Variants in C10orf67 observed in about 807,000 individuals in gnomAD.
C10orf67 encodes the protein chromosome 10 open reading frame 67, also known as uncharacterized protein C10orf67, mitochondrial.
In C10orf67, 60 loss-of-function variants were observed where a neutral mutation model predicts 35.6. The ratio of observed to expected loss-of-function variants is 1.68; its 90% confidence interval spans 1.37 to 2.09. The LOEUF (loss-of-function observed/expected upper bound fraction) is 2.09, where lower values mean the gene tolerates loss of function less well. C10orf67 is among the 30% of genes most tolerant of loss of function. The pLI, the probability that C10orf67 is intolerant of heterozygous loss-of-function variation, is 0.00. For missense variants in C10orf67, 474 were observed against 330.2 expected, an observed-to-expected ratio of 1.44 and a Z score of -3.38; for synonymous variants, 167 against 115.8, an observed-to-expected ratio of 1.44 and a Z score of -2.84.
At chr10:23,244,539 A>G (rs1050643545) in intron 12 of C10orf67, among the ~76,000 whole-genome samples, 2 of 152,186 alleles carry the variant, frequency 1.3e-5, no homozygotes, top group Admixed American at 6.5e-5. Context: ...ACAAAAATCA[A>G]TTGTGTTTGT....
At chr10:23,300,371 G>A (rs536899284) in intron 5 of C10orf67, among the ~76,000 whole-genome samples, 5 of 152,222 alleles carry the variant, frequency 3.3e-5, no homozygotes, top group African/African-American at 4.8e-5. Flanking sequence ...TGACTAAAGC[G>A]GTGGCCTTTT....
In C10orf67 at chr10:23,203,941, C is replaced by T; in HGVS notation, c.*232G>A. ...CCCCGGAGGTTCAGTGCGCCCCGCT[C>T]ACCCAGCACCAGCCAGGGCTTTCCT... On this transcript the variant is annotated 3_prime_UTR_variant, in exon 16 of 16. Transcript: ENST00000636213. The T allele has an allele frequency of 2.9e-6, 1 of 347,140 alleles. No individual in the cohort carries two copies. Among genetic ancestry groups the T allele is most frequent in the Non-Finnish European group, 5.1e-6 (1 of 194,390 alleles). 21.5% of individuals were successfully genotyped at this position (347,140 alleles called of 1,614,324 possible). A position where few individuals can be genotyped will look rare whatever the true frequency, so the allele number is the denominator to read the frequency against.
intron 8 of C10orf67, among the ~76,000 whole-genome samples, chr10:23,273,573 G>A (rs186826956): frequency 6.6e-6 from 1 of 152,144 alleles, no homozygotes; most frequent in Non-Finnish European, 1.5e-5. Context: ...TGCAGATGAG[G>A]CTCCTTGAGT....
intron 7 of C10orf67, among the ~76,000 whole-genome samples, chr10:23,286,628 A>AGGAG (rs1396488523): frequency 2.8e-5 from 3 of 106,256 alleles, no homozygotes; most frequent in Admixed American, 9.4e-5. Flanking sequence ...GAGGGAGGAA[A>AGGAG]GGAGGGAGGG....
At position 23,344,647 on chromosome 10, in the gene C10orf67, GT is replaced by G. The variant is rs1564528637; in HGVS notation, c.127del (p.Thr43ProfsTer34). 2 of 1,581,094 alleles carry G rather than the reference GT, an allele frequency of 1.3e-6. No individual in the cohort carries two copies. The highest frequency in any genetic ancestry group is 4.7e-5 in the East Asian group (2 of 42,902). Reference protein sequence around the residue: ...TRWEAMKAKATELRVCCARRK... With the variant: ...TRWEAMKAKAXELRVCCARRK... ...ACGCGCGCAGCAGACCCGCAGCTCG[GT>G]GGCCTTGGCTTTCATGGCCTCCCAG... On this transcript the variant is annotated frameshift_variant, in exon 1 of 16. Transcript: ENST00000636213. LOFTEE classifies it high-confidence loss of function.
In C10orf67 at chr10:23,342,485, G is replaced by T. The variant is rs976655767; in HGVS notation, c.206+2084C>A. Among the ~76,000 whole-genome samples the T allele has an allele frequency of 9.2e-5, 14 of 152,288 alleles. 1 individual carries two copies. The highest frequency in any genetic ancestry group is 7.8e-4 in the Admixed American group (12 of 15,302). On this transcript the variant is annotated intron_variant, in intron 1 of 15. Transcript: ENST00000636213. The stretch of plus-strand genomic sequence containing the variant: ...TCGCCCTAGTACTTTGGGTGAAGAG[G>T]AAGGAATATGGGCATCAGTGGTTCT...
In C10orf67 at chr10:23,296,686, C is replaced by T. The variant is rs532648113; in HGVS notation, c.703-5407G>A. 1.2e-3 allele frequency among the ~76,000 whole-genome samples: 177 copies of T among 152,300 alleles called. 1 individual carries two copies. The highest frequency in any genetic ancestry group is 4.1e-3 in the African/African-American group (169 of 41,548). ...TCATTAACATCGGAGCATGGGCTAG[C>T]AGGCTGGTCCAGGGGTCTGTGGTAG... On this transcript the variant is annotated intron_variant, in intron 5 of 15. Coordinates refer to ENST00000636213, the MANE Select transcript of C10orf67 (RefSeq NM_001371909.1).
intron 7 of C10orf67, among the ~76,000 whole-genome samples, chr10:23,288,380 A>G (rs1040150024): frequency 2.0e-5 from 3 of 152,178 alleles, no homozygotes; most frequent in African/African-American, 7.2e-5. Context: ...CAGAAAACCA[A>G]ACACCGCATG....
At chr10:23,221,991 T>C (rs1841594297) in intron 15 of C10orf67, among the ~76,000 whole-genome samples, 1 of 152,312 alleles carries the variant, frequency 6.6e-6, no homozygotes, top group South Asian at 2.1e-4. Context: ...GAGCATTTTA[T>C]CTTATGCCTC....
chr10:23,239,699 A>G, intron 13 of C10orf67, 30 bp downstream of exon 13: 1 of 621,384 alleles, frequency 1.6e-6, no homozygotes, highest in East Asian at 2.8e-5. Flanking sequence ...TCAAAGAGAC[A>G]AACAGCATCT....
chr10:23,234,709 C>CT (rs1841998589), intron 13 of C10orf67, among the ~76,000 whole-genome samples: 1 of 147,108 alleles, frequency 6.8e-6, no homozygotes, highest in African/African-American at 2.6e-5. Flanking sequence ...CAAGTCAAGG[C>CT]TAAAAAAAAA....
intron 9 of C10orf67, 92 bp from the exon 10 acceptor site, chr10:23,266,518 G>C: frequency 2.5e-6 from 1 of 397,196 alleles, no homozygotes; most frequent in Non-Finnish European, 4.4e-6. Context: ...CCCTGAGCTG[G>C]AATTGCAGAA....
intron 2 of C10orf67, among the ~76,000 whole-genome samples, chr10:23,328,993 C>CAAAAAAAAAAAGA (rs1845309202): frequency 1.3e-5 from 1 of 78,732 alleles, no homozygotes; most frequent in African/African-American, 4.9e-5. Flanking sequence ...CATAAACGAA[C>CAAAAAAAAAAAGA]AAAAAAAAAA....
intron 12 of C10orf67, among the ~76,000 whole-genome samples, chr10:23,240,710 CA>C (rs753624968): frequency 6.6e-6 from 1 of 152,176 alleles, no homozygotes; most frequent in African/African-American, 2.4e-5. Context: ...TTTACTCACA[CA>C]AAAGACTCTT....
intron 10 of C10orf67, among the ~76,000 whole-genome samples, chr10:23,253,014 T>C (rs1336518283): frequency 1.3e-5 from 2 of 151,594 alleles, no homozygotes. Context: ...AATGGGAGTT[T>C]CTCTGCACAA....
intron 4 of C10orf67, among the ~76,000 whole-genome samples, chr10:23,312,432 C>T (rs1004103700): frequency 3.3e-5 from 5 of 152,150 alleles, no homozygotes; most frequent in Non-Finnish European, 7.3e-5. Flanking sequence ...TCAGTTACGA[C>T]AAATATTGCA....
chr10:23,329,796 T>TTAAAAAAA (rs1845362737), intron 2 of C10orf67, among the ~76,000 whole-genome samples: 1 of 5,254 alleles, frequency 1.9e-4, no homozygotes, highest in African/African-American at 7.3e-4. Context: ...AGAACTTGTC[T>TTAAAAAAA]CAAAAAAAAA....
At chr10:23,261,647 T>G (rs1842753430) in intron 10 of C10orf67, among the ~76,000 whole-genome samples, 1 of 152,164 alleles carries the variant, frequency 6.6e-6, no homozygotes. Context: ...AAAATAAAAG[T>G]GTACCTTTAT....
In C10orf67 at chr10:23,250,635, C is replaced by G; in HGVS notation, c.1257G>C (p.Glu419Asp). 5.0e-6 allele frequency: 2 copies of G among 398,560 alleles called. No homozygotes were observed. Among genetic ancestry groups the G allele is most frequent in the East Asian group, 7.2e-5 (2 of 27,958 alleles). The allele number at this position is 398,560 out of a possible 1,614,324, so 24.7% of individuals were successfully genotyped here. The change falls in exon 11 of 16, where the codon GAG (glutamate) becomes GAC (aspartate). Residue 419 changes from glutamate (E) to aspartate (D), a missense_variant. Glu to Asp is a conservative substitution (Grantham distance 45). Transcript: ENST00000636213. ...SQIEALKANLENEKKKVERFR... is the reference protein window; with the variant it reads ...SQIEALKANLDNEKKKVERFR... ...ACCTTTCCACCTTCTTTTTCTCATT[C>G]TCTAAATTTGCCTTTAATGCTTCTA...
Sources: allele counts gnomAD v4.1 joint callset (sites outside exome capture counted in the v4.1 genomes callset), GRCh38; gene constraint gnomAD v4.1.1; transcripts MANE v1.5; gene names NCBI Gene and HGNC (gene_info 2026-07-23, HGNC 2026-07-21).